Variants in TYW1 observed in about 807,000 individuals in gnomAD.
The protein encoded by TYW1 is S-adenosyl-L-methionine-dependent tRNA 4-demethylwyosine synthase TYW1.
TYW1 carries 46 observed loss-of-function variants against 96.2 expected under a neutral mutation model. The ratio of observed to expected loss-of-function variants is 0.48; its 90% confidence interval spans 0.38 to 0.61. The LOEUF is 0.61. Ranked by LOEUF, TYW1 falls within the 20% of genes least tolerant of loss-of-function variation. The pLI is 0.00. For synonymous variants in TYW1, 274 were observed against 323.0 expected (o/e 0.85, Z 1.63); for missense variants, 684 against 909.6 (o/e 0.75, Z 3.19).
At chr7:67,222,892 C>T (rs12154886) in intron 15 of TYW1, among the ~76,000 whole-genome samples, 37,519 of 121,066 alleles carry the variant, frequency 0.31, 5,387 homozygotes, top group African/African-American at 0.41. Flanking sequence ...TTTTGCTATT[C>T]GGACGTGATC....
chr7:67,206,622 C>CATAA (rs10622608), intron 15 of TYW1, among the ~76,000 whole-genome samples: 22,006 of 143,252 alleles, frequency 0.15, 1,759 homozygotes, highest in Admixed American at 0.19. Context: ...CTGTCTCAAA[C>CATAA]ATAAATAAAT....
chr7:67,110,369 A>G (rs1323315713), intron 12 of TYW1, among the ~76,000 whole-genome samples: 1 of 152,188 alleles, frequency 6.6e-6, no homozygotes, highest in African/African-American at 2.4e-5. Flanking sequence ...GCGAAAACCA[A>G]GGCAGAGTTG....
chr7:67,011,812 G>T (rs764516677), intron 4 of TYW1, among the ~76,000 whole-genome samples: 3 of 151,158 alleles, frequency 2.0e-5, no homozygotes, highest in African/African-American at 4.9e-5. Context: ...GGCGGAGGTC[G>T]CAGTGAGCCA....
At position 67,112,100 on chromosome 7, in the gene TYW1, C is replaced by CAAAAAAAA. The variant is rs538839042; in HGVS notation, c.1563-5367_1563-5360dup. Among the ~76,000 whole-genome samples, 191 of 94,764 alleles carry CAAAAAAAA rather than the reference C, an allele frequency of 2.0e-3. 2 individuals are homozygous for CAAAAAAAA. The highest frequency in any genetic ancestry group is 5.6e-3 in the Middle Eastern group (1 of 178). 62.2% of individuals were successfully genotyped at this position (94,764 alleles called of 152,430 possible). A position where few individuals can be genotyped will look rare whatever the true frequency, so the allele number is the denominator to read the frequency against. ...GGTGACAGAGCGAGACTCTGTCTGA[C>CAAAAAAAA]AAAAAAAAAAAAAAAAAAAAAAAGA... On this transcript the variant is annotated intron_variant, in intron 12 of 15. Coordinates refer to ENST00000359626, the MANE Select transcript of TYW1 (RefSeq NM_018264.4).
intron 10 of TYW1, among the ~76,000 whole-genome samples, chr7:67,081,781 T>C (rs1465332305): frequency 6.6e-6 from 1 of 150,834 alleles, no homozygotes; most frequent in African/African-American, 2.4e-5. Flanking sequence ...CTTTTCCTTT[T>C]CTTTTTCTTT....
chr7:67,087,953 T>C (rs993393756), intron 11 of TYW1, among the ~76,000 whole-genome samples: 1 of 152,162 alleles, frequency 6.6e-6, no homozygotes, highest in Non-Finnish European at 1.5e-5. Context: ...AACCTCTGCC[T>C]CCTGGGCTCA....
At chr7:67,132,598 G>T (rs1022349059) in intron 13 of TYW1, among the ~76,000 whole-genome samples, 5 of 152,014 alleles carry the variant, frequency 3.3e-5, no homozygotes, top group Non-Finnish European at 5.9e-5. Flanking sequence ...GTACAGTTCA[G>T]TGGTATCATG....
chr7:67,167,393 T>C (rs62464974), intron 13 of TYW1, among the ~76,000 whole-genome samples: 6,070 of 144,546 alleles, frequency 0.042, 186 homozygotes, highest in Middle Eastern at 0.11. Context: ...CGCTTGAACT[T>C]GGGAGGCAGA....
At chr7:67,117,001 C>G (rs1308511430) in intron 12 of TYW1, among the ~76,000 whole-genome samples, 1 of 152,134 alleles carries the variant, frequency 6.6e-6, no homozygotes, top group Non-Finnish European at 1.5e-5. Context: ...GACTCTGCGT[C>G]CTTTGAGTAA....
At chr7:67,125,164 T>C (rs1797877341) in intron 13 of TYW1, among the ~76,000 whole-genome samples, 2 of 152,204 alleles carry the variant, frequency 1.3e-5, no homozygotes, top group African/African-American at 4.8e-5. Flanking sequence ...TTAATATTGC[T>C]TGATAAACAG....
chr7:67,128,021 GT>G (rs1797956642), intron 13 of TYW1, among the ~76,000 whole-genome samples: 1 of 152,002 alleles, frequency 6.6e-6, no homozygotes, highest in African/African-American at 2.4e-5. Context: ...CTTATCTATA[GT>G]TTTTCTGACA....
intron 11 of TYW1, among the ~76,000 whole-genome samples, chr7:67,089,802 A>G (rs374436487): frequency 1.3e-5 from 2 of 152,274 alleles, no homozygotes; most frequent in South Asian, 4.1e-4. Context: ...CGTTCCTTTT[A>G]TATACATACA....
chr7:67,212,280 CA>C (rs1406892302), intron 15 of TYW1, among the ~76,000 whole-genome samples: 2 of 147,848 alleles, frequency 1.4e-5, no homozygotes, highest in Admixed American at 1.4e-4. Flanking sequence ...TTTAACTTAG[CA>C]ATATGCATTT....
chr7:67,221,360 C>T (rs1199816724), intron 15 of TYW1, among the ~76,000 whole-genome samples: 1 of 152,194 alleles, frequency 6.6e-6, no homozygotes, highest in Admixed American at 6.5e-5. Flanking sequence ...CATCCTTTCC[C>T]TTTCAATCCA....
At chr7:67,164,375 C>T (rs10156209) in intron 13 of TYW1, among the ~76,000 whole-genome samples, 42,766 of 151,768 alleles carry the variant, frequency 0.28, 6,547 homozygotes, top group African/African-American at 0.4. Flanking sequence ...TTTGGGAGGC[C>T]GAGGTGGGTG....
chr7:67,027,219 GAAACGTCTGTT>G (rs1341157653), intron 7 of TYW1, among the ~76,000 whole-genome samples: 8 of 151,666 alleles, frequency 5.3e-5, no homozygotes, highest in African/African-American at 1.9e-4. Flanking sequence ...AAAAAGATGT[GAAACGTCTGTT>G]AGCTTGTATA....
intron 13 of TYW1, 152 bp from the exon 14 acceptor site, chr7:67,182,974 T>A: frequency 1.9e-6 from 1 of 540,370 alleles, no homozygotes; most frequent in Non-Finnish European, 3.2e-6. Flanking sequence ...TTTTGTTTCA[T>A]CTTTCCTCAA....
rs559769831 is a variant in TYW1 at position 67,178,784 on chromosome 7, A to G, written c.1699-4342A>G. ...GATATTAGTCAGGTGAAGGGAGTGG[A>G]TATTCACTGGGAGGAGCAGAAGGGT... On this transcript the variant is annotated intron_variant, in intron 13 of 15. Coordinates refer to ENST00000359626, the MANE Select transcript of TYW1 (RefSeq NM_018264.4). 5.7e-3 allele frequency among the ~76,000 whole-genome samples: 867 copies of G among 151,178 alleles called. 3 individuals carry two copies. Among genetic ancestry groups the G allele is most frequent in the Middle Eastern group, 0.017 (5 of 294 alleles).
chr7:66,999,569 C>T (rs1289333859), intron 3 of TYW1, among the ~76,000 whole-genome samples: 1 of 152,112 alleles, frequency 6.6e-6, no homozygotes, highest in Non-Finnish European at 1.5e-5. Context: ...GGCTAGGCTG[C>T]TCTCAAACTC....
Sources: gnomAD v4.1 joint callset for allele counts (sites outside exome capture counted in the v4.1 genomes callset) on GRCh38, gnomAD v4.1.1 for gene constraint, MANE v1.5 for transcripts, NCBI Gene and HGNC (gene_info 2026-07-23, HGNC 2026-07-21) for gene names.